Variants in SOD2 observed in about 807,000 individuals in gnomAD.
SOD2 encodes superoxide dismutase [Mn], mitochondrial.
Under a neutral mutation model 27.0 loss-of-function variants are expected in SOD2, and 11 were observed. That is an observed-to-expected ratio of 0.41 (90% CI 0.26 to 0.67). The LOEUF (loss-of-function observed/expected upper bound fraction) is 0.67. Ranked by LOEUF, SOD2 falls within the 30% of genes least tolerant of loss-of-function variation. The probability of loss-of-function intolerance (pLI) is 0.34; values close to 1 mark genes in which losing one functional copy is unlikely to be tolerated. For missense variants in SOD2, 250 were observed against 274.5 expected, an observed-to-expected ratio of 0.91 and a Z score of 0.63; for synonymous variants, 105 against 103.0, an observed-to-expected ratio of 1.02 and a Z score of -0.12.
At chr6:159,753,207 G>T (rs1368663175) in intron 1 of SOD2, among the ~76,000 whole-genome samples, 2 of 152,164 alleles carry the variant, frequency 1.3e-5, no homozygotes, top group African/African-American at 4.8e-5. Context: ...TTTCAGAATT[G>T]ATTATTGATG....
intron 1 of SOD2, among the ~76,000 whole-genome samples, chr6:159,722,203 C>A (rs1325618881): frequency 2.0e-5 from 3 of 151,810 alleles, no homozygotes; most frequent in Admixed American, 6.6e-5. Context: ...CATAGCAAGA[C>A]CCCATCTCTA....
At chr6:159,711,218 A>G (rs879225940) in intron 1 of SOD2, among the ~76,000 whole-genome samples, 1 of 39,680 alleles carries the variant, frequency 2.5e-5, no homozygotes, top group Admixed American at 2.4e-4. Flanking sequence ...TCTGATCACC[A>G]TAACCACCTC....
At chr6:159,742,657 G>C (rs905901263) in intron 1 of SOD2, among the ~76,000 whole-genome samples, 8 of 152,018 alleles carry the variant, frequency 5.3e-5, no homozygotes, top group Non-Finnish European at 8.8e-5. Context: ...CATACTATTT[G>C]TTGAGTATAA....
At chr6:159,711,998 T>A (rs866415512) in intron 1 of SOD2, among the ~76,000 whole-genome samples, 498 of 34,020 alleles carry the variant, frequency 0.015, 17 homozygotes, top group East Asian at 0.026. Context: ...TGCTCAGACC[T>A]CCATAACCAC....
At chr6:159,692,534 G>A (rs1245694026) in intron 2 of SOD2, 127 bp downstream of exon 2, 3 of 1,494,650 alleles carry the variant, frequency 2.0e-6, no homozygotes, top group African/African-American at 1.4e-5. Flanking sequence ...ATCGTGCCTG[G>A]AAAACTCGGA....
At chr6:159,685,338 G>A (rs1410031994) in intron 3 of SOD2, among the ~76,000 whole-genome samples, 3 of 146,356 alleles carry the variant, frequency 2.0e-5, no homozygotes, top group Non-Finnish European at 3.0e-5. Context: ...TGCCTCCCAG[G>A]TTCAAGCAAT....
At chr6:159,755,667 C>T in intron 1 of SOD2, 4 of 1,424,758 alleles carry the variant, frequency 2.8e-6, no homozygotes, top group Non-Finnish European at 3.7e-6. Context: ...GGATACTGTC[C>T]AGAAAATTAA....
chr6:159,749,523 T>G, upstream of SOD2: 1 of 813,460 alleles, frequency 1.2e-6, no homozygotes, highest in African/African-American at 1.9e-5. Flanking sequence ...GAGAGCAGAT[T>G]CATTTTGGAA....
intron 3 of SOD2, among the ~76,000 whole-genome samples, chr6:159,687,673 G>T (rs1780254931): frequency 6.6e-6 from 1 of 151,926 alleles, no homozygotes; most frequent in South Asian, 2.1e-4. Context: ...TATCATACTC[G>T]TTGTTATGAA....
rs768198339 is a variant in SOD2, at chr6:159,693,126, G to A, written c.23+19C>T. The A allele has an allele frequency of 2.6e-6, 4 of 1,528,992 alleles. No individual in the cohort carries two copies. Among genetic ancestry groups the A allele is most frequent in the African/African-American group, 1.4e-5 (1 of 70,278 alleles). The allele number at this position is 1,528,992 out of a possible 1,614,324, so 94.7% of individuals were successfully genotyped here. A position where few individuals can be genotyped will look rare whatever the true frequency, so the allele number is the denominator to read the frequency against. Reference sequence around the variant, plus strand: ...CCCCTTCGCCCTTGGGGCCGTGACCGGGTCCCCTTTCTTCTCACCCGCACA... The same window carrying A: ...CCCCTTCGCCCTTGGGGCCGTGACCAGGTCCCCTTTCTTCTCACCCGCACA... On this transcript the variant is annotated intron_variant, in intron 1 of 4. Transcript: ENST00000538183.
chr6:159,698,513 A>C (rs1387047198), intron 1 of SOD2, among the ~76,000 whole-genome samples: 2 of 142,198 alleles, frequency 1.4e-5, no homozygotes, highest in Non-Finnish European at 3.0e-5. Flanking sequence ...CAAAGGTTGC[A>C]GTGAGCTGAG....
intron 1 of SOD2, among the ~76,000 whole-genome samples, chr6:159,718,817 G>A (rs1208036252): frequency 6.6e-6 from 1 of 152,210 alleles, no homozygotes; most frequent in Non-Finnish European, 1.5e-5. Context: ...ACCTGGCATA[G>A]AAGAGTAGAA....
chr6:159,690,678 A>G (rs561607431), intron 2 of SOD2, among the ~76,000 whole-genome samples: 1 of 152,174 alleles, frequency 6.6e-6, no homozygotes, highest in South Asian at 2.1e-4. Flanking sequence ...CTCTAAAAAT[A>G]GATGTAACTT....
upstream of SOD2, among the ~76,000 whole-genome samples, chr6:159,694,591 T>A (rs5746080): frequency 0.049 from 7,443 of 152,156 alleles, 224 homozygotes; most frequent in Middle Eastern, 0.1. Flanking sequence ...CTTATTTTTT[T>A]AATTTATTAT....
intron 1 of SOD2, chr6:159,739,121 G>C: frequency 8.3e-7 from 1 of 1,206,028 alleles, no homozygotes; most frequent in East Asian, 2.5e-5. Flanking sequence ...AATTGTCTTT[G>C]TGCCAGATAT....
chr6:159,751,639 C>A (rs1049005219), intron 1 of SOD2, among the ~76,000 whole-genome samples: 2 of 152,230 alleles, frequency 1.3e-5, no homozygotes, highest in African/African-American at 4.8e-5. Context: ...AAGAATAAAG[C>A]CTTTACCACA....
intron 1 of SOD2, among the ~76,000 whole-genome samples, chr6:159,752,218 A>G (rs2114955763): frequency 6.6e-6 from 1 of 152,374 alleles, no homozygotes; most frequent in South Asian, 2.1e-4. Context: ...AAAGACTAGA[A>G]TTTAAAAAAT....
chr6:159,693,337 C>A (rs1324273379), upstream of SOD2: 2 of 285,408 alleles, frequency 7.0e-6, no homozygotes, highest in East Asian at 7.7e-5. Context: ...CGCCCCCCCC[C>A]CCCGCGGGCC....
At chr6:159,727,147 G>C (rs1027091075) in exon 1 of SOD2, 3 of 1,195,456 alleles carry the variant, frequency 2.5e-6, no homozygotes, top group Non-Finnish European at 3.2e-6. Context: ...CTGAGCTCCG[G>C]GGCCCGCGGA....
Sources: allele counts gnomAD v4.1 joint callset (sites outside exome capture counted in the v4.1 genomes callset), GRCh38; gene constraint gnomAD v4.1.1; transcripts MANE v1.5; gene names NCBI Gene and HGNC (gene_info 2026-07-23, HGNC 2026-07-21).